CPED1: variants seen among roughly 807,000 people sequenced by gnomAD.
CPED1 encodes the protein cadherin-like and PC-esterase domain-containing protein 1.
CPED1 carries 114 observed loss-of-function variants against 128.2 expected under a neutral mutation model. That is an observed-to-expected ratio of 0.89 (90% CI 0.76 to 1.04). CPED1 has a LOEUF of 1.04. CPED1 is among the 50% of genes least tolerant of loss of function. The pLI, the probability that CPED1 is intolerant of heterozygous loss-of-function variation, is 0.00. For missense variants in CPED1, 1,211 were observed against 1,207.1 expected (o/e 1.00, Z -0.05); for synonymous variants, 462 against 426.7 (o/e 1.08, Z -1.02).
chr7:121,099,482 C>T (rs942974303), intron 6 of CPED1, among the ~76,000 whole-genome samples: 3 of 152,110 alleles, frequency 2.0e-5, no homozygotes, highest in Admixed American at 2.0e-4. Flanking sequence ...ATTCTCCTGC[C>T]TCAGCCTCCC....
chr7:121,263,115 G>A (rs1792052989), intron 18 of CPED1, among the ~76,000 whole-genome samples: 1 of 152,066 alleles, frequency 6.6e-6, no homozygotes, highest in African/African-American at 2.4e-5. Context: ...GCAAATGACA[G>A]TGGTGATGCT....
intron 16 of CPED1, among the ~76,000 whole-genome samples, chr7:121,208,298 A>G (rs1563065891): frequency 1.3e-5 from 2 of 152,056 alleles, no homozygotes; most frequent in Non-Finnish European, 2.9e-5. Flanking sequence ...TAAATTCCTC[A>G]AGCTCTGTAA....
At chr7:121,029,523 A>T (rs1014721743) in intron 3 of CPED1, among the ~76,000 whole-genome samples, 1 of 152,206 alleles carries the variant, frequency 6.6e-6, no homozygotes, top group South Asian at 2.1e-4. Flanking sequence ...AATGGCAGGC[A>T]CGTTCCACAG....
chr7:121,233,079 A>G (rs1798173038), intron 16 of CPED1, among the ~76,000 whole-genome samples: 1 of 152,126 alleles, frequency 6.6e-6, no homozygotes, highest in Non-Finnish European at 1.5e-5. Context: ...AACCAAGAAC[A>G]TCATAATGAT....
chr7:121,072,237 C>G (rs1047667505), intron 5 of CPED1, among the ~76,000 whole-genome samples: 11 of 151,688 alleles, frequency 7.3e-5, no homozygotes, highest in South Asian at 4.2e-4. Flanking sequence ...GTTCCCTCCC[C>G]CTAGGATGCC....
At chr7:121,060,458 C>T (rs1216566160) in intron 4 of CPED1, among the ~76,000 whole-genome samples, 1 of 152,240 alleles carries the variant, frequency 6.6e-6, no homozygotes, top group Non-Finnish European at 1.5e-5. Flanking sequence ...GTAAATACAC[C>T]AATCGGCACT....
intron 16 of CPED1, among the ~76,000 whole-genome samples, chr7:121,158,769 T>C (rs1796347594): frequency 6.6e-6 from 1 of 152,152 alleles, no homozygotes; most frequent in African/African-American, 2.4e-5. Flanking sequence ...ATACTATTAA[T>C]AATAAGAAAC....
intron 16 of CPED1, among the ~76,000 whole-genome samples, chr7:121,180,587 C>G (rs1796878517): frequency 6.6e-6 from 1 of 151,980 alleles, no homozygotes; most frequent in African/African-American, 2.4e-5. Flanking sequence ...GTGGGTCACA[C>G]CTTGGCACAC....
rs112794719 is a variant in CPED1 at position 121,131,396 on chromosome 7, G to A, written c.1577+1102G>A. 6.8e-3 allele frequency among the ~76,000 whole-genome samples: 1,020 copies of A among 150,676 alleles called. 13 individuals are homozygous for A. The highest frequency in any genetic ancestry group is 0.022 in the African/African-American group (913 of 40,804). On this transcript the variant is annotated intron_variant, in intron 12 of 22. Transcript: ENST00000310396. Reference sequence around the variant, plus strand: ...AAATAACATACTTCAGAGACACTTTGTTTGTACTTTACACTCACTCAAATA... The same window carrying A: ...AAATAACATACTTCAGAGACACTTTATTTGTACTTTACACTCACTCAAATA...
At chr7:121,046,299 A>C (rs890453775) in intron 3 of CPED1, among the ~76,000 whole-genome samples, 2 of 152,058 alleles carry the variant, frequency 1.3e-5, no homozygotes, top group Admixed American at 1.3e-4. Flanking sequence ...CTATATTACA[A>C]ATTTCTTTTA....
rs1329541124 is a variant in CPED1 at position 121,106,560 on chromosome 7, C to A, written c.918+6466C>A. Among the ~76,000 whole-genome samples the A allele has an allele frequency of 2.0e-5, 3 of 152,008 alleles. No homozygotes were observed. The East Asian group carries it at 5.8e-4, about 29-fold the overall frequency. On this transcript the variant is annotated intron_variant, in intron 7 of 22. Coordinates refer to ENST00000310396, the MANE Select transcript of CPED1 (RefSeq NM_024913.5). ...GTGAGGTAAGTTCATTCCTTCTTCCCTCCTTCTGGATGCTTGAAAGATGGA... is the reference window on the plus strand; with the variant it reads ...GTGAGGTAAGTTCATTCCTTCTTCCATCCTTCTGGATGCTTGAAAGATGGA...
Position 121,062,400 on chromosome 7 carries a change from G to C in CPED1, c.541-1838G>C, listed in dbSNP as rs140794562. The stretch of plus-strand genomic sequence containing the variant: ...TCTATTACAACACTACATTGTAAAA[G>C]TCCATACGGACACCAAAGTGTGTAT... On this transcript the variant is annotated intron_variant, in intron 4 of 22. Transcript: ENST00000310396. Among the ~76,000 whole-genome samples, 7 of 152,252 alleles carry C rather than the reference G, an allele frequency of 4.6e-5. No individual in the cohort carries two copies. In the East Asian group the frequency reaches 1.4e-3, roughly 29 times the overall value.
intron 16 of CPED1, among the ~76,000 whole-genome samples, chr7:121,179,175 T>C (rs1323971272): frequency 6.6e-6 from 1 of 152,102 alleles, no homozygotes; most frequent in African/African-American, 2.4e-5. Context: ...CCTGTTGGCC[T>C]AGTCATTTAG....
intron 3 of CPED1, among the ~76,000 whole-genome samples, chr7:121,044,051 G>A (rs561228334): frequency 3.3e-5 from 5 of 152,190 alleles, no homozygotes; most frequent in Non-Finnish European, 5.9e-5. Context: ...ATGCTCCAAC[G>A]CTAACTTCTC....
intron 12 of CPED1, among the ~76,000 whole-genome samples, chr7:121,133,208 C>A (rs992281335): frequency 3.3e-5 from 5 of 152,018 alleles, no homozygotes; most frequent in African/African-American, 1.2e-4. Flanking sequence ...TCAGGACCAG[C>A]AATTTTTCTG....
At chr7:121,040,441 G>T (rs561626108) in intron 3 of CPED1, among the ~76,000 whole-genome samples, 1 of 152,174 alleles carries the variant, frequency 6.6e-6, no homozygotes, top group African/African-American at 2.4e-5. Context: ...GCAGAGTAAG[G>T]AATTGGTTAA....
intron 16 of CPED1, among the ~76,000 whole-genome samples, chr7:121,202,682 A>G (rs1797424766): frequency 6.6e-6 from 1 of 152,154 alleles, no homozygotes; most frequent in South Asian, 2.1e-4. Flanking sequence ...GACAGAGAGT[A>G]TCCTGTTTCT....
At chr7:121,248,469 A>C (rs1798590416) in intron 18 of CPED1, among the ~76,000 whole-genome samples, 1 of 152,144 alleles carries the variant, frequency 6.6e-6, no homozygotes, top group African/African-American at 2.4e-5. Context: ...AACTTGAATA[A>C]ATACAGAGGA....
intron 16 of CPED1, among the ~76,000 whole-genome samples, chr7:121,185,570 ATAAG>A (rs1053544301): frequency 1.6e-4 from 24 of 152,188 alleles, no homozygotes; most frequent in African/African-American, 5.3e-4. Context: ...TGTGGAATCA[ATAAG>A]TAATTCTGGA....
Sources: allele counts gnomAD v4.1 joint callset (sites outside exome capture counted in the v4.1 genomes callset), GRCh38; gene constraint gnomAD v4.1.1; transcripts MANE v1.5; gene names NCBI Gene and HGNC (gene_info 2026-07-23, HGNC 2026-07-21).